IGF2BP1: variants seen among roughly 807,000 people sequenced by gnomAD.
IGF2BP1 encodes the protein insulin-like growth factor 2 mRNA-binding protein 1.
In IGF2BP1, 11 loss-of-function variants were observed where a neutral mutation model predicts 74.9. The observed-to-expected ratio is 0.15, with a 90% CI of 0.09 to 0.24. IGF2BP1 has a LOEUF of 0.24. IGF2BP1 is among the 10% of genes least tolerant of loss of function. The pLI is 1.00. For missense variants in IGF2BP1, 440 were observed against 757.4 expected (o/e 0.58, Z 4.92); for synonymous variants, 287 against 281.8 (o/e 1.02, Z -0.18).
intron 11 of IGF2BP1, 146 bp downstream of exon 11, chr17:49,044,232 C>G: frequency 8.1e-7 from 1 of 1,233,460 alleles, no homozygotes; most frequent in Non-Finnish European, 1.1e-6. Context: ...TCGAAGTCCT[C>G]TTTGTTTTTG....
intron 2 of IGF2BP1, among the ~76,000 whole-genome samples, chr17:49,010,487 T>C (rs546660094): frequency 6.6e-6 from 1 of 151,838 alleles, no homozygotes; most frequent in African/African-American, 2.4e-5. Context: ...CCGGCTACTT[T>C]TTGTATTTTT....
At chr17:49,028,026 G>A (rs2041879289) in intron 4 of IGF2BP1, among the ~76,000 whole-genome samples, 1 of 151,966 alleles carries the variant, frequency 6.6e-6, no homozygotes, top group Non-Finnish European at 1.5e-5. Flanking sequence ...AGCTGGGAGT[G>A]GTGGTACATG....
intron 4 of IGF2BP1, among the ~76,000 whole-genome samples, chr17:49,029,990 G>A (rs534681686): frequency 1.3e-5 from 2 of 152,078 alleles, no homozygotes; most frequent in East Asian, 3.9e-4. Flanking sequence ...TTCCTAGTTA[G>A]AGCCAAGAAT....
intron 14 of IGF2BP1, among the ~76,000 whole-genome samples, chr17:49,048,506 G>C (rs986065355): frequency 7.2e-5 from 11 of 152,090 alleles, no homozygotes; most frequent in African/African-American, 2.7e-4. Context: ...ACCCGCCTCA[G>C]CTCCCCAAAG....
At chr17:49,014,433 C>T (rs1388846554) in intron 2 of IGF2BP1, among the ~76,000 whole-genome samples, 1 of 151,752 alleles carries the variant, frequency 6.6e-6, no homozygotes, top group African/African-American at 2.4e-5. Flanking sequence ...CTCCTCCTGG[C>T]CAAGGATAGG....
chr17:49,010,147 C>T (rs937379498), intron 2 of IGF2BP1, among the ~76,000 whole-genome samples: 8 of 152,078 alleles, frequency 5.3e-5, no homozygotes, highest in Non-Finnish European at 5.9e-5. Context: ...CTTCATCTAT[C>T]GCTAGAACTC....
rs2041424227 is a variant in IGF2BP1 at position 48,997,697 on chromosome 17, C to T, written c.-49C>T. 7 of 1,584,002 alleles carry T rather than the reference C, an allele frequency of 4.4e-6. No homozygotes were observed. Among genetic ancestry groups the T allele is most frequent in the South Asian group, 1.1e-5 (1 of 87,006 alleles). The stretch of plus-strand genomic sequence containing the variant: ...GCCTAGGAGGCTCGCCGCCCGCGCC[C>T]GCTCGTTCGGCCTTGCCCGGGACCG... On this transcript the variant is annotated 5_prime_UTR_variant, in exon 1 of 15. Transcript: ENST00000290341. The surrounding 1 kb of genome is among the most constrained non-coding windows in gnomAD (Gnocchi z 4.8).
At chr17:49,047,370 A>C (rs2042117747) in intron 14 of IGF2BP1, among the ~76,000 whole-genome samples, 1 of 152,042 alleles carries the variant, frequency 6.6e-6, no homozygotes, top group South Asian at 2.1e-4. Flanking sequence ...TAAGAGCCAT[A>C]ATAATAATAA....
intron 2 of IGF2BP1, among the ~76,000 whole-genome samples, chr17:49,011,923 T>TTG (rs61561760): frequency 1.3e-5 from 2 of 150,428 alleles, no homozygotes; most frequent in African/African-American, 2.5e-5. Flanking sequence ...TTTTTTTTTT[T>TTG]GGGAGATAGA....
chr17:49,036,179 C>T (rs2041985140), intron 5 of IGF2BP1, among the ~76,000 whole-genome samples: 1 of 152,204 alleles, frequency 6.6e-6, no homozygotes, highest in South Asian at 2.1e-4. Context: ...TGAAAGTTAG[C>T]TTTGTGAAGT....
At chr17:49,000,292 A>C (rs1471535405) in intron 2 of IGF2BP1, among the ~76,000 whole-genome samples, 2 of 152,084 alleles carry the variant, frequency 1.3e-5, no homozygotes, top group Non-Finnish European at 2.9e-5. Flanking sequence ...GGAGATGATG[A>C]CTGCTTTTTC....
intron 2 of IGF2BP1, among the ~76,000 whole-genome samples, chr17:49,000,565 A>ATG (rs2041477181): frequency 6.6e-6 from 1 of 152,220 alleles, no homozygotes; most frequent in African/African-American, 2.4e-5. Context: ...TTTTCTGGAG[A>ATG]TGTGTCTAAG....
At position 49,049,504 on chromosome 17, in the gene IGF2BP1, T is replaced by C; in HGVS notation, c.*60T>C. ...CAACGGGCAGAAATCGAGAGTGTGC[T>C]CTCCCCGGCAGGCCTGAGAATGAGT... On this transcript the variant is annotated 3_prime_UTR_variant, in exon 15 of 15. Coordinates refer to ENST00000290341, the MANE Select transcript of IGF2BP1 (RefSeq NM_006546.4). 3 of 1,448,590 alleles carry C rather than the reference T, an allele frequency of 2.1e-6. No individual in the cohort carries two copies. The highest frequency in any genetic ancestry group is 2.9e-6 in the Non-Finnish European group (3 of 1,037,932). 89.7% of individuals were successfully genotyped at this position (1,448,590 alleles called of 1,614,324 possible).
rs1567818870 is a variant in IGF2BP1 at position 49,026,619 on chromosome 17, TCCTTCCTTCCTTCCTGCCTTCCTTCCTG to T, written c.337+106_337+133del. 12 of 883,344 alleles carry T rather than the reference TCCTTCCTTCCTTCCTGCCTTCCTTCCTG, an allele frequency of 1.4e-5. No homozygotes were observed. The African/African-American group carries it at 1.9e-4, about 14-fold the overall frequency. The allele number at this position is 883,344 out of a possible 1,614,324, so 54.7% of individuals were successfully genotyped here. On this transcript the variant is annotated intron_variant, in intron 4 of 14. Transcript: ENST00000290341. Reference sequence around the variant, plus strand: ...TGTTTCTTTCTTTTTCTCCCTTCCTTCCTTCCTTCCTTCCTGCCTTCCTTCCTGCCTGCCTTCCTGCCTTCCTGCCTTC... The same window carrying T: ...TGTTTCTTTCTTTTTCTCCCTTCCTTCCTGCCTTCCTGCCTTCCTGCCTTC...
intron 2 of IGF2BP1, among the ~76,000 whole-genome samples, chr17:49,008,629 A>G (rs1177295711): frequency 6.6e-6 from 1 of 152,164 alleles, no homozygotes; most frequent in Non-Finnish European, 1.5e-5. Flanking sequence ...ACTTCTAACT[A>G]AAAGAGGAAT....
At chr17:49,024,939 C>T (rs1005853941) in intron 2 of IGF2BP1, among the ~76,000 whole-genome samples, 1 of 152,138 alleles carries the variant, frequency 6.6e-6, no homozygotes, top group Non-Finnish European at 1.5e-5. Flanking sequence ...TGCCTGTAAT[C>T]CCTGCATTTT....
At chr17:49,041,846 C>A (rs910522110) in intron 8 of IGF2BP1, among the ~76,000 whole-genome samples, 10 of 152,194 alleles carry the variant, frequency 6.6e-5, no homozygotes, top group Non-Finnish European at 1.5e-4. Context: ...GTGACCTTGG[C>A]CCTTTTCTGT....
rs1364630465 is a variant in IGF2BP1, at chr17:49,054,054, G to A, written c.*4610G>A. 2.6e-5 allele frequency: 4 copies of A among 152,688 alleles called. No homozygotes were observed. Among genetic ancestry groups the A allele is most frequent in the Non-Finnish European group, 1.5e-5 (1 of 68,062 alleles). 9.5% of individuals were successfully genotyped at this position (152,688 alleles called of 1,614,324 possible). A position where few individuals can be genotyped will look rare whatever the true frequency, so the allele number is the denominator to read the frequency against. On this transcript the variant is annotated 3_prime_UTR_variant, in exon 15 of 15. Coordinates refer to ENST00000290341, the MANE Select transcript of IGF2BP1 (RefSeq NM_006546.4). ...GAACATTTCTCTGTATTCAGACTTA[G>A]AGTAACACCAGCTGAAAACTGCAGT... is the stretch of plus-strand genomic sequence containing the variant.
chr17:49,035,528 G>A (rs1029101654), intron 5 of IGF2BP1, among the ~76,000 whole-genome samples: 8 of 152,184 alleles, frequency 5.3e-5, no homozygotes, highest in African/African-American at 1.7e-4. Context: ...AGGTGGCAGC[G>A]GTCTGGGGCA....
Sources: allele counts gnomAD v4.1 joint callset (sites outside exome capture counted in the v4.1 genomes callset), GRCh38; gene constraint gnomAD v4.1.1; non-coding constraint Gnocchi (gnomAD v3.1); transcripts MANE v1.5; gene names NCBI Gene and HGNC (gene_info 2026-07-23, HGNC 2026-07-21).